The following DENND1A variants were observed in gnomAD, a reference collection of about 807,000 sequenced individuals.
The protein encoded by DENND1A is DENN domain containing 1A.
In DENND1A, 51 loss-of-function variants were observed where a neutral mutation model predicts 113.7. The ratio of observed to expected loss-of-function variants is 0.45; its 90% CI spans 0.36 to 0.57. The LOEUF is 0.57. Ranked by LOEUF, DENND1A falls within the 20% of genes least tolerant of loss-of-function variation. DENND1A has a pLI of 0.00. For missense variants in DENND1A, 1,258 were observed against 1,395.9 expected, an observed-to-expected ratio of 0.90 and a Z score of 1.57; for synonymous variants, 565 against 570.8, an observed-to-expected ratio of 0.99 and a Z score of 0.14.
At chr9:123,678,517 C>T (rs2064237286) in intron 5 of DENND1A, among the ~76,000 whole-genome samples, 1 of 152,124 alleles carries the variant, frequency 6.6e-6, no homozygotes, top group African/African-American at 2.4e-5. Flanking sequence ...GATATGGACA[C>T]GAGGTAGCGC....
intron 13 of DENND1A, among the ~76,000 whole-genome samples, chr9:123,528,991 AT>A (rs2135290343): frequency 6.6e-6 from 1 of 152,302 alleles, no homozygotes; most frequent in Admixed American, 6.5e-5. Context: ...AGTTAATCAC[AT>A]CCTCGTTGTG....
intron 2 of DENND1A, among the ~76,000 whole-genome samples, chr9:123,844,556 A>G (rs917104529): frequency 7.9e-5 from 12 of 152,262 alleles, no homozygotes; most frequent in African/African-American, 2.4e-4. Flanking sequence ...CATTATGGGG[A>G]AAAAAACCCT....
At chr9:123,833,418 GCAGA>G (rs1405767947) in intron 2 of DENND1A, among the ~76,000 whole-genome samples, 1 of 151,954 alleles carries the variant, frequency 6.6e-6, no homozygotes, top group Admixed American at 6.6e-5. Flanking sequence ...ACACTTTTTG[GCAGA>G]CAATTTTTTT....
At chr9:123,928,296 A>G (rs1261865625) in intron 1 of DENND1A, among the ~76,000 whole-genome samples, 1 of 152,222 alleles carries the variant, frequency 6.6e-6, no homozygotes, top group Non-Finnish European at 1.5e-5. Context: ...GCTTCATGTC[A>G]GGCAAGTTTC....
chr9:123,732,703 A>C (rs536952050), intron 5 of DENND1A, among the ~76,000 whole-genome samples: 62 of 152,374 alleles, frequency 4.1e-4, no homozygotes, highest in Non-Finnish European at 8.1e-4. Flanking sequence ...AAGTCTCACC[A>C]AATCTATTAA....
chr9:123,580,958 C>T (rs1006475467), intron 12 of DENND1A, among the ~76,000 whole-genome samples: 5 of 152,148 alleles, frequency 3.3e-5, no homozygotes, highest in African/African-American at 1.2e-4. Flanking sequence ...AGGCAAGGCA[C>T]GTGCTCTCTG....
chr9:123,760,428 A>G (rs572170868), intron 4 of DENND1A, among the ~76,000 whole-genome samples: 11 of 152,340 alleles, frequency 7.2e-5, no homozygotes, highest in Non-Finnish European at 1.3e-4. Context: ...GTGGTTAGAG[A>G]GTACAAGAAA....
chr9:123,871,556 C>G (rs1409270708), intron 2 of DENND1A, among the ~76,000 whole-genome samples: 1 of 152,116 alleles, frequency 6.6e-6, no homozygotes. Context: ...AGCAAAAACT[C>G]AGTTTTCTTC....
intron 12 of DENND1A, among the ~76,000 whole-genome samples, chr9:123,574,031 T>C (rs1326118312): frequency 6.6e-6 from 1 of 152,008 alleles, no homozygotes; most frequent in Non-Finnish European, 1.5e-5. Context: ...ACTGATATAA[T>C]AGATTACATG....
chr9:123,657,070 C>A (rs941961158), intron 8 of DENND1A, among the ~76,000 whole-genome samples: 1 of 152,204 alleles, frequency 6.6e-6, no homozygotes, highest in African/African-American at 2.4e-5. Context: ...GGGCTCAAAT[C>A]TGAGGAAGGT....
At chr9:123,743,392 C>T (rs1319881389) in intron 5 of DENND1A, among the ~76,000 whole-genome samples, 1 of 147,938 alleles carries the variant, frequency 6.8e-6, no homozygotes, top group Non-Finnish European at 1.5e-5. Context: ...TGGAGTAAGA[C>T]TCAGTCCCAA....
chr9:123,865,074 C>T (rs577860011), intron 2 of DENND1A, among the ~76,000 whole-genome samples: 1 of 152,308 alleles, frequency 6.6e-6, no homozygotes, highest in African/African-American at 2.4e-5. Context: ...CATAGCTTTG[C>T]AGATGCTCTT....
chr9:123,856,652 T>C (rs1443095967), intron 2 of DENND1A, among the ~76,000 whole-genome samples: 2 of 150,394 alleles, frequency 1.3e-5, no homozygotes, highest in Non-Finnish European at 3.0e-5. Context: ...ATGCACGGGG[T>C]GTCAAAATTC....
intron 19 of DENND1A, chr9:123,413,532 TGTCCCTGG>T (rs1295067825): frequency 2.0e-6 from 2 of 985,324 alleles, no homozygotes; most frequent in African/African-American, 3.5e-5. Flanking sequence ...GTGTCCCAGT[TGTCCCTGG>T]GTCCCTGGTG....
intron 5 of DENND1A, among the ~76,000 whole-genome samples, chr9:123,705,380 T>C (rs1463873453): frequency 3.9e-5 from 6 of 151,976 alleles, no homozygotes; most frequent in Non-Finnish European, 5.9e-5. Context: ...GTACAAAGAA[T>C]AGGAAAGGGG....
chr9:123,875,205 T>C (rs933349522), intron 2 of DENND1A, among the ~76,000 whole-genome samples: 3 of 152,148 alleles, frequency 2.0e-5, no homozygotes, highest in African/African-American at 4.8e-5. Context: ...GGTATACTTA[T>C]GTAGCAAAAC....
chr9:123,656,057 G>C (rs1465362223), intron 8 of DENND1A, among the ~76,000 whole-genome samples: 1 of 152,234 alleles, frequency 6.6e-6, no homozygotes, highest in East Asian at 1.9e-4. Flanking sequence ...TCCAGGCATG[G>C]CTGAGAAGCC....
chr9:123,722,349 C>G (rs2067400122), intron 5 of DENND1A, among the ~76,000 whole-genome samples: 1 of 152,156 alleles, frequency 6.6e-6, no homozygotes, highest in Non-Finnish European at 1.5e-5. Flanking sequence ...AATTTGCAGC[C>G]TGACAATACA....
At chr9:123,543,847 T>G (rs1455701410) in intron 13 of DENND1A, among the ~76,000 whole-genome samples, 1 of 152,224 alleles carries the variant, frequency 6.6e-6, no homozygotes, top group Non-Finnish European at 1.5e-5. Flanking sequence ...TGCAACTCTC[T>G]GCTTCCTTTC....
Sources: allele counts gnomAD v4.1 joint callset (sites outside exome capture counted in the v4.1 genomes callset), GRCh38; gene constraint gnomAD v4.1.1; transcripts MANE v1.5; gene names NCBI Gene and HGNC (gene_info 2026-07-23, HGNC 2026-07-21).